Variants in VAV2 observed in about 807,000 individuals in gnomAD.
VAV2 encodes guanine nucleotide exchange factor VAV2.
A neutral mutation model predicts 132.5 loss-of-function variants in VAV2; 67 were observed. The ratio of observed to expected loss-of-function variants is 0.51; its 90% confidence interval spans 0.42 to 0.62. The LOEUF (loss-of-function observed/expected upper bound fraction) is 0.62. Ranked by LOEUF, VAV2 falls within the 20% of genes least tolerant of loss-of-function variation. The pLI is 0.00. For missense variants in VAV2, 938 were observed against 1,153.6 expected (o/e 0.81, Z 2.71); for synonymous variants, 492 against 443.5 (o/e 1.11, Z -1.37).
chr9:133,853,889 C>T (rs1284322090), intron 3 of VAV2, among the ~76,000 whole-genome samples: 2 of 152,148 alleles, frequency 1.3e-5, no homozygotes, highest in East Asian at 1.9e-4. Flanking sequence ...CTGCTGCTCC[C>T]GCTGGCATGA....
At chr9:133,842,374 G>C (rs1054799847) in intron 3 of VAV2, among the ~76,000 whole-genome samples, 1 of 152,190 alleles carries the variant, frequency 6.6e-6, no homozygotes, top group African/African-American at 2.4e-5. Context: ...GGAGCACTCC[G>C]AGAGAACAGG....
chr9:133,798,878 G>A (rs576700271), intron 9 of VAV2, among the ~76,000 whole-genome samples: 10 of 152,338 alleles, frequency 6.6e-5, no homozygotes, highest in East Asian at 5.8e-4. Context: ...CGGACCCAGC[G>A]TCCTGGTGAT....
intron 1 of VAV2, among the ~76,000 whole-genome samples, chr9:133,948,340 G>A (rs949696623): frequency 7.2e-5 from 11 of 152,260 alleles, no homozygotes; most frequent in Non-Finnish European, 1.5e-4. Flanking sequence ...CCGCCTTTGC[G>A]CATGGCCTCG....
intron 3 of VAV2, among the ~76,000 whole-genome samples, chr9:133,858,691 C>G (rs755978590): frequency 1.3e-5 from 2 of 152,166 alleles, no homozygotes; most frequent in Non-Finnish European, 2.9e-5. Context: ...TCCGAGACGC[C>G]CCCAGTGTTT....
intron 2 of VAV2, among the ~76,000 whole-genome samples, chr9:133,901,659 C>T (rs1018592995): frequency 6.6e-6 from 1 of 152,214 alleles, no homozygotes; most frequent in Non-Finnish European, 1.5e-5. Context: ...GGGCTCCTGC[C>T]GGCCCGGCCT....
intron 2 of VAV2, among the ~76,000 whole-genome samples, chr9:133,914,262 C>T (rs1839980091): frequency 6.6e-6 from 1 of 152,142 alleles, no homozygotes. Context: ...AATCCCGCTC[C>T]TGGGTATGTA....
intron 6 of VAV2, among the ~76,000 whole-genome samples, chr9:133,809,702 C>T (rs544610320): frequency 6.6e-6 from 1 of 152,340 alleles, no homozygotes; most frequent in South Asian, 2.1e-4. Context: ...CCTGGAGCCT[C>T]CTCCAGAGCA....
At chr9:133,872,168 G>T (rs1838081903) in intron 2 of VAV2, among the ~76,000 whole-genome samples, 1 of 151,072 alleles carries the variant, frequency 6.6e-6, no homozygotes, top group East Asian at 1.9e-4. Flanking sequence ...CAGGGATGTG[G>T]GGAGACTGAT....
chr9:133,934,737 C>T (rs1228198346), intron 2 of VAV2, among the ~76,000 whole-genome samples: 1 of 152,194 alleles, frequency 6.6e-6, no homozygotes, highest in Admixed American at 6.5e-5. Context: ...AGCCCTGTCA[C>T]CCCCGTTCCT....
intron 3 of VAV2, among the ~76,000 whole-genome samples, chr9:133,839,742 C>G (rs1836642828): frequency 6.6e-6 from 1 of 152,236 alleles, no homozygotes; most frequent in African/African-American, 2.4e-5. Flanking sequence ...AGCCACCATG[C>G]CCAGCCTACA....
At chr9:133,864,042 T>C (rs1837702817) in intron 2 of VAV2, among the ~76,000 whole-genome samples, 1 of 152,054 alleles carries the variant, frequency 6.6e-6, no homozygotes, top group Non-Finnish European at 1.5e-5. Context: ...TCTCAGGCAA[T>C]GATCAAACAC....
At chr9:133,790,560 G>C (rs1834412370) in intron 13 of VAV2, among the ~76,000 whole-genome samples, 1 of 152,192 alleles carries the variant, frequency 6.6e-6, no homozygotes, top group South Asian at 2.1e-4. Flanking sequence ...CTCACGTCCT[G>C]CTCACTGTAC....
chr9:133,833,395 G>A lies in VAV2; in HGVS notation c.449+877C>T, dbSNP rs1281402077. On this transcript the variant is annotated intron_variant, in intron 4 of 29. Transcript: ENST00000371850. This position sits in a 1 kb window ranked among gnomAD's most constrained non-coding sequence, Gnocchi z 5.6. ...GTCTGTGCTCTAAAACGAAGGGAGAGAGAAACACTAAGAGTCTTCCAGAAG... is the reference window on the plus strand; with the variant it reads ...GTCTGTGCTCTAAAACGAAGGGAGAAAGAAACACTAAGAGTCTTCCAGAAG... Among the ~76,000 whole-genome samples the A allele has an allele frequency of 1.3e-5, 2 of 152,294 alleles. No homozygotes were observed. Among genetic ancestry groups the A allele is most frequent in the Admixed American group, 6.5e-5 (1 of 15,300 alleles).
intron 24 of VAV2, among the ~76,000 whole-genome samples, chr9:133,775,591 C>G (rs1268700919): frequency 6.6e-6 from 1 of 152,192 alleles, no homozygotes; most frequent in Non-Finnish European, 1.5e-5. Context: ...AAGGCAAGCT[C>G]TCTCCCAAAA....
chr9:133,909,310 C>T (rs1283379662), intron 2 of VAV2, among the ~76,000 whole-genome samples: 1 of 152,174 alleles, frequency 6.6e-6, no homozygotes, highest in Non-Finnish European at 1.5e-5. Context: ...AAGCCACTCA[C>T]AGAGCTGAGT....
Position 133,791,783 on chromosome 9 carries a change from C to G in VAV2, c.1188G>C (p.Leu396Phe). Residue 396 changes from leucine to phenylalanine, a missense_variant and splice_region_variant, in exon 13 of 30, where the codon TTG becomes TTC. Coordinates refer to ENST00000371850, the MANE Select transcript of VAV2 (RefSeq NM_001134398.2). ...AGCCTGAAGAGTCAGTCTCACTCAC[C>G]AAATTTTCTATAGAACTCTGAAATT... ...ISEFQSSIENLQVKLEEFGRP... is the reference protein window; with the variant it reads ...ISEFQSSIENFQVKLEEFGRP... 6.2e-7 allele frequency: 1 copy of G among 1,614,056 alleles called. No individual in the cohort carries two copies. The highest frequency in any genetic ancestry group is 8.5e-7 in the Non-Finnish European group (1 of 1,179,934).
chr9:133,810,288 G>A, intron 5 of VAV2, 83 bp from the exon 6 acceptor site: 1 of 1,594,866 alleles, frequency 6.3e-7, no homozygotes, highest in South Asian at 1.1e-5. Context: ...GGGACATCAG[G>A]AACGCCACCC....
chr9:133,912,505 G>C lies in VAV2; in HGVS notation c.321+26598C>G, dbSNP rs1041418462. The stretch of plus-strand genomic sequence containing the variant: ...ATATCAACACCCATATGTCACTGGT[G>C]CTGGGTCCGAGCATGGGAGCTGCAG... On this transcript the variant is annotated intron_variant, in intron 2 of 29. Coordinates refer to ENST00000371850, the MANE Select transcript of VAV2 (RefSeq NM_001134398.2). The surrounding 1 kb of genome is among the most constrained non-coding windows in gnomAD (Gnocchi z 4.3). 1.1e-4 allele frequency among the ~76,000 whole-genome samples: 16 copies of C among 152,174 alleles called. No homozygotes were observed. The highest frequency in any genetic ancestry group is 3.9e-4 in the African/African-American group (16 of 41,436).
At chr9:133,773,324 AGCTGTATGGGGT>A (rs1272785337) in intron 25 of VAV2, among the ~76,000 whole-genome samples, 1 of 152,184 alleles carries the variant, frequency 6.6e-6, no homozygotes, top group East Asian at 1.9e-4. Context: ...AAAACAGGAC[AGCTGTATGGGGT>A]GCTTATCATG....
Sources: gnomAD v4.1 joint callset for allele counts (sites outside exome capture counted in the v4.1 genomes callset) on GRCh38, gnomAD v4.1.1 for gene constraint, Gnocchi (gnomAD v3.1) non-coding constraint, MANE v1.5 for transcripts, NCBI Gene and HGNC (gene_info 2026-07-23, HGNC 2026-07-21) for gene names.